Variants in WDR7 observed in about 807,000 individuals in gnomAD.
The protein encoded by WDR7 is WD repeat domain 7.
WDR7 carries 46 observed loss-of-function variants against 169.4 expected under a neutral mutation model. That is an observed-to-expected ratio of 0.27 (90% CI 0.21 to 0.35). The LOEUF (loss-of-function observed/expected upper bound fraction) is 0.35, where lower values mean the gene tolerates loss of function less well. Ranked by LOEUF, WDR7 falls within the 10% of genes least tolerant of loss-of-function variation. The pLI, the probability that WDR7 is intolerant of heterozygous loss-of-function variation, is 1.00. For synonymous variants in WDR7, 612 were observed against 666.8 expected, an observed-to-expected ratio of 0.92 and a Z score of 1.27; for missense variants, 1,534 against 1,859.3, an observed-to-expected ratio of 0.83 and a Z score of 3.22.
chr18:56,784,234 A>C lies in WDR7; in HGVS notation c.3190+2578A>C, dbSNP rs570948370. On this transcript the variant is annotated intron_variant, in intron 19 of 27. Transcript: ENST00000254442. The stretch of plus-strand genomic sequence containing the variant: ...ACAGACTCCAAAACTTATTCTTGTA[A>C]CCACTATTTATTCCTTTTTTTAAAA... Among the ~76,000 whole-genome samples, 265 of 152,244 alleles carry C rather than the reference A, an allele frequency of 1.7e-3. 1 individual carries two copies. The highest frequency in any genetic ancestry group is 6.8e-3 in the Middle Eastern group (2 of 294).
chr18:56,899,763 T>C (rs1355447767), intron 21 of WDR7, among the ~76,000 whole-genome samples: 2 of 152,084 alleles, frequency 1.3e-5, no homozygotes, highest in Non-Finnish European at 2.9e-5. Context: ...CTTGACTATA[T>C]CTAATGTGTA....
At chr18:56,786,523 C>T (rs1345709060) in intron 19 of WDR7, among the ~76,000 whole-genome samples, 2 of 150,686 alleles carry the variant, frequency 1.3e-5, no homozygotes, top group Non-Finnish European at 3.0e-5. Context: ...GAGCGAGACT[C>T]TATCTCCAAA....
intron 12 of WDR7, among the ~76,000 whole-genome samples, chr18:56,705,867 G>A (rs1045561376): frequency 5.3e-5 from 8 of 152,126 alleles, no homozygotes; most frequent in South Asian, 2.1e-4. Flanking sequence ...GTGTGGTGGC[G>A]CGTGCCTATA....
chr18:56,815,996 T>C (rs764010968), intron 19 of WDR7, 35 bp from the exon 20 acceptor site: 7 of 1,506,550 alleles, frequency 4.6e-6, no homozygotes, highest in Non-Finnish European at 6.2e-6. Context: ...TTTTCATTTT[T>C]TGAAGTGAAG....
chr18:56,939,393 G>A lies in WDR7; in HGVS notation c.4064G>A (p.Arg1355Lys). ...GLQECFPAIC[R>K]FYMVSYYERN... ...CAAGAATGTTTCCCAGCCATCTGCAGGTAAAGAAGCCTTCAAGAGCATGCA... is the reference window on the plus strand; with the variant it reads ...CAAGAATGTTTCCCAGCCATCTGCAAGTAAAGAAGCCTTCAAGAGCATGCA... The change falls in exon 25 of 28, where the codon AGG becomes AAG. Residue 1355 changes from arginine to lysine, a missense_variant and splice_region_variant. Transcript: ENST00000254442. 2 of 1,565,448 alleles carry A rather than the reference G, an allele frequency of 1.3e-6. No individual in the cohort carries two copies. The highest frequency in any genetic ancestry group is 1.8e-5 in the Admixed American group (1 of 55,072).
intron 26 of WDR7, 87 bp from the exon 27 acceptor site, chr18:57,020,658 C>A: frequency 8.1e-7 from 1 of 1,230,466 alleles, no homozygotes; most frequent in South Asian, 1.3e-5. Flanking sequence ...CATGACGTAA[C>A]TTGTTCAACA....
intron 1 of WDR7, among the ~76,000 whole-genome samples, chr18:56,659,609 T>C (rs994870743): frequency 9.2e-5 from 14 of 152,170 alleles, no homozygotes; most frequent in African/African-American, 3.4e-4. Flanking sequence ...AGGTAATATT[T>C]TATAGAGATT....
chr18:56,750,410 C>CA (rs1275601129), intron 14 of WDR7, among the ~76,000 whole-genome samples: 1 of 152,116 alleles, frequency 6.6e-6, no homozygotes, highest in Non-Finnish European at 1.5e-5. Flanking sequence ...GAGGTCTTTT[C>CA]ATTTGTATAT....
At chr18:56,818,586 T>A (rs1304753236) in intron 20 of WDR7, among the ~76,000 whole-genome samples, 1 of 152,216 alleles carries the variant, frequency 6.6e-6, no homozygotes, top group Non-Finnish European at 1.5e-5. Flanking sequence ...AAGCAACTAG[T>A]ATGTTGCAGC....
In WDR7 at chr18:56,880,145, A is replaced by G; in HGVS notation, c.3506A>G (p.Tyr1169Cys). The G allele has an allele frequency of 4.3e-6, 7 of 1,613,814 alleles. No individual in the cohort carries two copies. The highest frequency in any genetic ancestry group is 5.9e-6 in the Non-Finnish European group (7 of 1,179,890). ...GGGTTGACTAGTGGTGGATCCAACT[A>G]CTCGCTGGCCAGACATACTTGTAAG... ...GFGLTSGGSN[Y>C]SLARHTCKAL... Residue 1169 changes from tyrosine to cysteine, a missense_variant, in exon 21 of 28, where the codon TAC becomes TGC. By Grantham distance (194) the Tyr-to-Cys change is radical. Coordinates refer to ENST00000254442, the MANE Select transcript of WDR7 (RefSeq NM_015285.3).
At chr18:56,989,085 A>G (rs572746408) in intron 26 of WDR7, among the ~76,000 whole-genome samples, 2,799 of 89,450 alleles carry the variant, frequency 0.031, 88 homozygotes, top group African/African-American at 0.095. Context: ...GGTTTTTTGA[A>G]AAAAAAAAAA....
intron 14 of WDR7, among the ~76,000 whole-genome samples, chr18:56,752,792 A>G (rs1231710604): frequency 2.0e-5 from 3 of 152,214 alleles, no homozygotes; most frequent in Non-Finnish European, 2.9e-5. Flanking sequence ...AAAAATTTGT[A>G]AGTAATTTTC....
intron 5 of WDR7, among the ~76,000 whole-genome samples, chr18:56,685,391 C>T (rs2025423610): frequency 6.6e-6 from 1 of 152,176 alleles, no homozygotes; most frequent in South Asian, 2.1e-4. Context: ...CACTCTGGAG[C>T]CTACGTTGAC....
At chr18:56,810,071 A>G (rs553175852) in intron 19 of WDR7, among the ~76,000 whole-genome samples, 2 of 152,300 alleles carry the variant, frequency 1.3e-5, no homozygotes, top group Admixed American at 6.5e-5. Flanking sequence ...AAGTAGAAAT[A>G]GCCAGGTTTA....
chr18:56,797,470 A>T (rs2044603140), intron 19 of WDR7, among the ~76,000 whole-genome samples: 1 of 152,100 alleles, frequency 6.6e-6, no homozygotes, highest in African/African-American at 2.4e-5. Context: ...AATTAGTTCC[A>T]TGTAGTTTTT....
intron 20 of WDR7, among the ~76,000 whole-genome samples, chr18:56,837,101 A>G (rs966818079): frequency 2.0e-5 from 3 of 152,252 alleles, no homozygotes; most frequent in African/African-American, 7.2e-5. Flanking sequence ...AGGTTAATCT[A>G]AAAGTCACTC....
chr18:56,958,665 T>C (rs546685059), intron 25 of WDR7, among the ~76,000 whole-genome samples: 2 of 152,312 alleles, frequency 1.3e-5, no homozygotes, highest in East Asian at 3.9e-4. Flanking sequence ...GATAACTTCT[T>C]GTAAATCTAC....
chr18:56,917,218 C>T (rs1295386320), intron 21 of WDR7, among the ~76,000 whole-genome samples: 2 of 151,848 alleles, frequency 1.3e-5, no homozygotes, highest in African/African-American at 2.4e-5. Flanking sequence ...ATTCCGCGTT[C>T]TGTGTGTCTG....
chr18:56,948,116 G>A (rs141055806), intron 25 of WDR7, among the ~76,000 whole-genome samples: 55 of 152,098 alleles, frequency 3.6e-4, no homozygotes, highest in South Asian at 2.3e-3. Context: ...GCCTCTAGAC[G>A]TGATTTTTGG....
Sources: allele counts gnomAD v4.1 joint callset (sites outside exome capture counted in the v4.1 genomes callset), GRCh38; gene constraint gnomAD v4.1.1; transcripts MANE v1.5; gene names NCBI Gene and HGNC (gene_info 2026-07-23, HGNC 2026-07-21).